The following ZBTB20 variants were observed in gnomAD, a reference collection of about 807,000 sequenced individuals.
ZBTB20 encodes zinc finger and BTB domain-containing protein 20.
ZBTB20 carries 9 observed loss-of-function variants against 56.9 expected under a neutral mutation model. The observed-to-expected ratio is 0.16, with a 90% CI of 0.10 to 0.28. ZBTB20 has a LOEUF of 0.28. ZBTB20 is among the 10% of genes least tolerant of loss of function. The pLI is 1.00. For missense variants in ZBTB20, 655 were observed against 1,003.0 expected, an observed-to-expected ratio of 0.65 and a Z score of 4.69; for synonymous variants, 417 against 420.7, an observed-to-expected ratio of 0.99 and a Z score of 0.11.
chr3:114,924,117 G>T (rs2076062175), intron 3 of ZBTB20, among the ~76,000 whole-genome samples: 1 of 152,186 alleles, frequency 6.6e-6, no homozygotes, highest in East Asian at 1.9e-4. Flanking sequence ...AATGTAAATT[G>T]GTATAGCCAT....
chr3:114,381,454 T>C (rs777779537), intron 8 of ZBTB20, among the ~76,000 whole-genome samples: 2 of 152,242 alleles, frequency 1.3e-5, no homozygotes, highest in Admixed American at 6.5e-5. Flanking sequence ...ACTTAGCTTA[T>C]ACTACACAGA....
chr3:114,776,612 G>T (rs1057096506), intron 5 of ZBTB20, among the ~76,000 whole-genome samples: 2 of 152,182 alleles, frequency 1.3e-5, no homozygotes, highest in Admixed American at 1.3e-4. Context: ...GATTTCTGAT[G>T]GTTTAAGTCA....
At chr3:114,728,144 C>G (rs907502608) in intron 5 of ZBTB20, among the ~76,000 whole-genome samples, 2 of 152,130 alleles carry the variant, frequency 1.3e-5, no homozygotes, top group Non-Finnish European at 2.9e-5. Context: ...TCTTAGGAAA[C>G]AGTTTCAATG....
chr3:114,986,967 T>C (rs2078573436), intron 2 of ZBTB20, among the ~76,000 whole-genome samples: 1 of 152,138 alleles, frequency 6.6e-6, no homozygotes, highest in East Asian at 1.9e-4. Flanking sequence ...GCTTCTGACA[T>C]CCAATTCTGC....
chr3:114,612,922 A>G (rs751677096), intron 6 of ZBTB20, among the ~76,000 whole-genome samples: 11 of 152,234 alleles, frequency 7.2e-5, no homozygotes, highest in Non-Finnish European at 1.3e-4. Context: ...TGTTATTGAT[A>G]TATGTGTATT....
rs1210809853 is a variant in ZBTB20, at chr3:114,691,830, C to T, written c.-295+1698G>A. 2.0e-5 allele frequency among the ~76,000 whole-genome samples: 3 copies of T among 151,778 alleles called. No individual in the cohort carries two copies. In the East Asian group the frequency reaches 5.8e-4, roughly 29 times the overall value. On this transcript the variant is annotated intron_variant, in intron 6 of 11. Transcript: ENST00000675478. ...ACTTTAATTTTTCTTCATTTTACTC[C>T]TATGTGTTTTTCTAAATTATTTTTA...
chr3:114,799,129 C>A (rs1315205265), intron 5 of ZBTB20, among the ~76,000 whole-genome samples: 1 of 151,852 alleles, frequency 6.6e-6, no homozygotes, highest in Non-Finnish European at 1.5e-5. Flanking sequence ...AATCCCTGGC[C>A]TCTTGACCCA....
chr3:114,945,514 G>A (rs796545590), intron 3 of ZBTB20, among the ~76,000 whole-genome samples: 1 of 145,038 alleles, frequency 6.9e-6, no homozygotes, highest in Non-Finnish European at 1.5e-5. Flanking sequence ...AGTTACAGTA[G>A]AGCTCATTAG....
At chr3:114,494,303 A>C (rs1377902559) in intron 7 of ZBTB20, among the ~76,000 whole-genome samples, 1 of 152,102 alleles carries the variant, frequency 6.6e-6, no homozygotes, top group African/African-American at 2.4e-5. Flanking sequence ...GACTCTGAAA[A>C]GGGGCCCTTA....
intron 2 of ZBTB20, among the ~76,000 whole-genome samples, chr3:115,008,178 T>C (rs947747095): frequency 3.3e-5 from 5 of 151,968 alleles, no homozygotes; most frequent in African/African-American, 1.2e-4. Context: ...GGAATATCTT[T>C]AGCTGAATGC....
At chr3:114,661,854 C>G (rs1341506813) in intron 6 of ZBTB20, among the ~76,000 whole-genome samples, 5 of 151,840 alleles carry the variant, frequency 3.3e-5, no homozygotes, top group African/African-American at 1.2e-4. Context: ...TCAGCCCTTG[C>G]ATGTGCCATT....
intron 5 of ZBTB20, among the ~76,000 whole-genome samples, chr3:114,758,500 T>C (rs2068182120): frequency 6.6e-6 from 1 of 152,140 alleles, no homozygotes; most frequent in East Asian, 1.9e-4. Context: ...TAAAAATAAA[T>C]GCAATAGTTG....
At chr3:115,111,798 A>G (rs2083890684) in intron 1 of ZBTB20, among the ~76,000 whole-genome samples, 1 of 152,218 alleles carries the variant, frequency 6.6e-6, no homozygotes, top group Non-Finnish European at 1.5e-5. Context: ...TTTATAGCTC[A>G]TAAGGAATGG....
chr3:114,458,026 T>C (rs2092123937), intron 7 of ZBTB20, among the ~76,000 whole-genome samples: 1 of 152,226 alleles, frequency 6.6e-6, no homozygotes, highest in South Asian at 2.1e-4. Context: ...GTCCTTCTTC[T>C]GTAGCTCACT....
intron 6 of ZBTB20, among the ~76,000 whole-genome samples, chr3:114,675,867 A>G (rs1320404780): frequency 6.6e-6 from 1 of 152,188 alleles, no homozygotes; most frequent in Non-Finnish European, 1.5e-5. Context: ...AACAGCAGTA[A>G]CAATAACAAT....
chr3:114,883,178 C>G (rs2076462014), intron 4 of ZBTB20, among the ~76,000 whole-genome samples: 1 of 152,140 alleles, frequency 6.6e-6, no homozygotes, highest in Non-Finnish European at 1.5e-5. Context: ...CAATTTTGAG[C>G]ACCTGTACCT....
At chr3:115,034,890 G>A (rs955926758) in intron 2 of ZBTB20, among the ~76,000 whole-genome samples, 2 of 151,868 alleles carry the variant, frequency 1.3e-5, no homozygotes, top group African/African-American at 4.8e-5. Context: ...AAATAAAATA[G>A]AGTCCAGAAA....
At position 114,329,708 on chromosome 3, in the gene ZBTB20, GGA is replaced by G. The variant is rs1491230458; in HGVS notation, c.*9295_*9296del. 5.2e-5 allele frequency: 1 copy of G among 19,134 alleles called. No individual in the cohort carries two copies. The highest frequency in any genetic ancestry group is 9.3e-5 in the Non-Finnish European group (1 of 10,710). 1.2% of individuals were successfully genotyped at this position (19,134 alleles called of 1,614,324 possible). A position where few individuals can be genotyped will look rare whatever the true frequency, so the allele number is the denominator to read the frequency against. On this transcript the variant is annotated 3_prime_UTR_variant, in exon 12 of 12. Coordinates refer to ENST00000675478, the MANE Select transcript of ZBTB20 (RefSeq NM_001348800.3). ...CTGAAACTCTGGTTTTACTTTTTTT[GGA>G]AAAAAAAAAAAAAAAAAAAAAAAAA...
At chr3:114,529,349 G>A (rs1370668031) in intron 6 of ZBTB20, 1 of 152,212 alleles carries the variant, frequency 6.6e-6, no homozygotes, top group Non-Finnish European at 1.5e-5. Flanking sequence ...TCCCTGACCA[G>A]TCTTTACATG....
Sources: gnomAD v4.1 joint callset for allele counts (sites outside exome capture counted in the v4.1 genomes callset) on GRCh38, gnomAD v4.1.1 for gene constraint, MANE v1.5 for transcripts, NCBI Gene and HGNC (gene_info 2026-07-23, HGNC 2026-07-21) for gene names.